Variants in KHDRBS2 observed in about 807,000 individuals in gnomAD.
The protein encoded by KHDRBS2 is KH domain-containing, RNA-binding, signal transduction-associated protein 2.
In KHDRBS2, 26 loss-of-function variants were observed where a neutral mutation model predicts 44.3. The ratio of observed to expected loss-of-function variants is 0.59; its 90% CI spans 0.43 to 0.81. KHDRBS2 has a LOEUF of 0.81. Ranked by LOEUF, KHDRBS2 falls within the 40% of genes least tolerant of loss-of-function variation. KHDRBS2 has a pLI of 0.00. For synonymous variants in KHDRBS2, 194 were observed against 151.1 expected (o/e 1.28, Z -2.08); for missense variants, 476 against 433.1 (o/e 1.10, Z -0.88).
intron 6 of KHDRBS2, among the ~76,000 whole-genome samples, chr6:61,860,102 C>A (rs753394486): frequency 1.3e-5 from 2 of 151,802 alleles, no homozygotes; most frequent in Non-Finnish European, 2.9e-5. Context: ...AAAATGCTAA[C>A]CCACAGATCT....
At chr6:61,933,312 CTG>C (rs1810434790) in intron 4 of KHDRBS2, among the ~76,000 whole-genome samples, 1 of 152,184 alleles carries the variant, frequency 6.6e-6, no homozygotes, top group Non-Finnish European at 1.5e-5. Flanking sequence ...TCCTCCAACA[CTG>C]AGGATTACAA....
At chr6:61,674,774 C>G in the KHDRBS2 span, among the ~76,000 whole-genome samples, 1 of 151,688 alleles carries the variant, frequency 6.6e-6, no homozygotes, top group Admixed American at 6.6e-5. Flanking sequence ...ATGTGATACT[C>G]AGCCAGCTCA....
intron 1 of KHDRBS2, among the ~76,000 whole-genome samples, chr6:62,191,642 C>A (rs377003308): frequency 3.3e-5 from 5 of 152,060 alleles, no homozygotes; most frequent in African/African-American, 1.2e-4. Context: ...ATCAGCCTGT[C>A]CCTCTGAATA....
intron 3 of KHDRBS2, among the ~76,000 whole-genome samples, chr6:62,018,899 T>TTA (rs1781746230): frequency 1.3e-5 from 2 of 152,304 alleles, no homozygotes; most frequent in South Asian, 4.1e-4. Context: ...GGCTGCTGAG[T>TTA]TATATTCTGA....
intron 2 of KHDRBS2, among the ~76,000 whole-genome samples, chr6:62,077,411 C>A (rs951986054): frequency 6.6e-6 from 1 of 151,990 alleles, no homozygotes; most frequent in Non-Finnish European, 1.5e-5. Flanking sequence ...GTGTTGCAGT[C>A]AAGGACTCAG....
chr6:61,655,262 T>A, the KHDRBS2 span, among the ~76,000 whole-genome samples: 1,584 of 129,408 alleles, frequency 0.012, 13 homozygotes, highest in Non-Finnish European at 0.018. Context: ...ACACACACAC[T>A]ATTTATTTCT....
chr6:62,002,344 GTTTA>G (rs1778409537), intron 3 of KHDRBS2, among the ~76,000 whole-genome samples: 1 of 151,372 alleles, frequency 6.6e-6, no homozygotes. Flanking sequence ...AAAAATGAAG[GTTTA>G]TTTATTTATT....
At chr6:62,186,398 C>T (rs1823421279) in intron 1 of KHDRBS2, among the ~76,000 whole-genome samples, 1 of 151,990 alleles carries the variant, frequency 6.6e-6, no homozygotes, top group Admixed American at 6.6e-5. Context: ...GGACATGAGA[C>T]TTCACTGAAG....
chr6:61,639,957 C>T, the KHDRBS2 span, among the ~76,000 whole-genome samples: 2 of 151,762 alleles, frequency 1.3e-5, no homozygotes, highest in Admixed American at 6.6e-5. Context: ...ACATAGTAAC[C>T]AAAAGTGATG....
chr6:62,215,724 C>A (rs565254875), intron 1 of KHDRBS2, among the ~76,000 whole-genome samples: 1 of 151,612 alleles, frequency 6.6e-6, no homozygotes, highest in African/African-American at 2.4e-5. Flanking sequence ...TCCAGAATAC[C>A]AGTGATCAGC....
the KHDRBS2 span, among the ~76,000 whole-genome samples, chr6:61,636,017 T>C: frequency 6.6e-6 from 1 of 152,044 alleles, no homozygotes. Flanking sequence ...GTTAACTTTT[T>C]CACTTGTCTT....
chr6:62,172,130 G>A (rs1288224158), intron 2 of KHDRBS2, among the ~76,000 whole-genome samples: 9 of 152,012 alleles, frequency 5.9e-5, no homozygotes, highest in Admixed American at 6.6e-5. Context: ...GGCACAGAAC[G>A]GCAGATTGGA....
the KHDRBS2 span, among the ~76,000 whole-genome samples, chr6:61,569,644 T>C: frequency 4.6e-5 from 7 of 152,120 alleles, no homozygotes; most frequent in Admixed American, 4.6e-4. Context: ...TAAACATATC[T>C]ACAACCAAAG....
At chr6:61,935,921 A>C (rs1483199395) in intron 4 of KHDRBS2, among the ~76,000 whole-genome samples, 1 of 152,128 alleles carries the variant, frequency 6.6e-6, no homozygotes, top group Non-Finnish European at 1.5e-5. Flanking sequence ...TAATAATGTT[A>C]AAATGGAAAT....
At chr6:62,277,929 A>C (rs1003005677) in intron 1 of KHDRBS2, among the ~76,000 whole-genome samples, 4 of 152,206 alleles carry the variant, frequency 2.6e-5, no homozygotes, top group African/African-American at 7.2e-5. Flanking sequence ...GTATTTGGCA[A>C]ATAAAAGATG....
At chr6:62,202,197 A>T (rs184213676) in intron 1 of KHDRBS2, among the ~76,000 whole-genome samples, 1 of 152,204 alleles carries the variant, frequency 6.6e-6, no homozygotes, top group Non-Finnish European at 1.5e-5. Context: ...CCATTCTCAA[A>T]TATGTGTAAT....
chr6:61,907,434 T>G (rs1367276729), intron 4 of KHDRBS2, among the ~76,000 whole-genome samples: 1 of 152,168 alleles, frequency 6.6e-6, no homozygotes, highest in African/African-American at 2.4e-5. Context: ...TCCATTTTTG[T>G]TTTAGTTGCC....
At chr6:62,155,087 T>C (rs1816060324) in intron 2 of KHDRBS2, among the ~76,000 whole-genome samples, 1 of 152,184 alleles carries the variant, frequency 6.6e-6, no homozygotes, top group South Asian at 2.1e-4. Context: ...ACAATATTTA[T>C]ACTGGGAGTC....
chr6:62,040,287 A>G (rs530369950), intron 3 of KHDRBS2, among the ~76,000 whole-genome samples: 2 of 152,036 alleles, frequency 1.3e-5, no homozygotes, highest in Non-Finnish European at 2.9e-5. Flanking sequence ...AGAAATGATC[A>G]ATCTGCGCTT....
Sources: gnomAD v4.1 joint callset for allele counts (sites outside exome capture counted in the v4.1 genomes callset) on GRCh38, gnomAD v4.1.1 for gene constraint, MANE v1.5 for transcripts, NCBI Gene and HGNC (gene_info 2026-07-23, HGNC 2026-07-21) for gene names.